Variants in ZNF831 observed in about 807,000 individuals in gnomAD.
ZNF831 encodes chromosome 20 open reading frame 174.
In ZNF831, 59 loss-of-function variants were observed where a neutral mutation model predicts 95.8. The ratio of observed to expected loss-of-function variants is 0.62; its 90% CI spans 0.50 to 0.77. The LOEUF (loss-of-function observed/expected upper bound fraction) is 0.77. ZNF831 is among the 30% of genes least tolerant of loss of function. The pLI is 0.00. For synonymous variants in ZNF831, 961 were observed against 925.5 expected, an observed-to-expected ratio of 1.04 and a Z score of -0.70; for missense variants, 2,205 against 2,164.0, an observed-to-expected ratio of 1.02 and a Z score of -0.38.
At chr20:59,187,777 C>T (rs150097364) in intron 1 of ZNF831, among the ~76,000 whole-genome samples, 104 of 152,316 alleles carry the variant, frequency 6.8e-4, no homozygotes, top group African/African-American at 2.4e-3. Flanking sequence ...CAGAAGGAAA[C>T]GTTGTACCCA....
chr20:59,148,979 G>A (rs1180700112), intron 2 of ZNF831, among the ~76,000 whole-genome samples: 1 of 152,182 alleles, frequency 6.6e-6, no homozygotes, highest in African/African-American at 2.4e-5. Flanking sequence ...GGGCACTCGA[G>A]TTCAGCCCTG....
At position 59,136,067 on chromosome 20, in the gene ZNF831, G is replaced by A. The variant is rs1223548620; in HGVS notation, c.-1424-10164G>A. Among the ~76,000 whole-genome samples, 3 of 152,174 alleles carry A rather than the reference G, an allele frequency of 2.0e-5. No homozygotes were observed. The East Asian group carries it at 5.8e-4, about 29-fold the overall frequency. On this transcript the variant is annotated intron_variant, in intron 1 of 7. Coordinates refer to the ZNF831 transcript ENST00000637017. ...GCTTGTCATCAGAATTGAATTCCAC[G>A]TGGTTGGGGGACTGAGGTCCCTGTT...
At chr20:59,205,416 C>G (rs77913578) in intron 3 of ZNF831, among the ~76,000 whole-genome samples, 4 of 152,274 alleles carry the variant, frequency 2.6e-5, no homozygotes, top group Non-Finnish European at 4.4e-5. Context: ...TCCCCTCCCC[C>G]CAGCCGGGGA....
intron 4 of ZNF831, among the ~76,000 whole-genome samples, chr20:59,211,553 G>T (rs1328662339): frequency 1.3e-5 from 2 of 152,156 alleles, no homozygotes; most frequent in Admixed American, 6.5e-5. Flanking sequence ...AAATCAAAGG[G>T]GCACAGGGGT....
intron 4 of ZNF831, among the ~76,000 whole-genome samples, chr20:59,215,180 C>T (rs770248391): frequency 8.5e-4 from 129 of 152,226 alleles, no homozygotes; most frequent in Middle Eastern, 3.4e-3. Flanking sequence ...ACACATTTTG[C>T]GGAACTGAAT....
In ZNF831 at chr20:59,191,876, C is replaced by T. The variant is rs2146555582; in HGVS notation, c.857C>T (p.Ala286Val). ...GCTCCTTGGGACTCTGCCCCCATGG[C>T]GTCACCTGGGCTCCCAGCGGCCAGC... ...REAPWDSAPM[A>V]SPGLPAASTQ... is the part of the protein sequence containing the mutation. The change falls in exon 2 of 6, where the codon GCG becomes GTG. Residue 286 changes from alanine to valine, a missense_variant. By Grantham distance (64) the Ala-to-Val change is moderately conservative (BLOSUM62 0). Transcript: ENST00000371030. The T allele has an allele frequency of 6.2e-7, 1 of 1,613,088 alleles. No homozygotes were observed. Among genetic ancestry groups the T allele is most frequent in the Non-Finnish European group, 8.5e-7 (1 of 1,179,974 alleles).
intron 1 of ZNF831, among the ~76,000 whole-genome samples, chr20:59,181,301 A>T (rs1363163321): frequency 6.6e-6 from 1 of 151,862 alleles, no homozygotes. Flanking sequence ...GCTTGCAAAA[A>T]TTTTCTCCCA....
chr20:59,171,541 A>G (rs114692291), intron 1 of ZNF831, among the ~76,000 whole-genome samples: 25 of 152,350 alleles, frequency 1.6e-4, no homozygotes, highest in African/African-American at 5.5e-4. Flanking sequence ...AAATGAGCAG[A>G]TGCAGTCATT....
chr20:59,250,579 A>G (rs1987833898), intron 4 of ZNF831, among the ~76,000 whole-genome samples: 1 of 152,196 alleles, frequency 6.6e-6, no homozygotes. Flanking sequence ...AGAAATAAAA[A>G]CAAACCAATG....
At chr20:59,252,152 G>A (rs187654006) in intron 4 of ZNF831, among the ~76,000 whole-genome samples, 52 of 152,286 alleles carry the variant, frequency 3.4e-4, no homozygotes, top group South Asian at 1.0e-3. Flanking sequence ...AAAGACTCCC[G>A]AATGGGAAAA....
At chr20:59,149,715 C>T (rs1013171413) in intron 2 of ZNF831, among the ~76,000 whole-genome samples, 2 of 152,238 alleles carry the variant, frequency 1.3e-5, no homozygotes, top group South Asian at 2.1e-4. Context: ...ATGTTTCATG[C>T]CTGAGCCTTG....
intron 1 of ZNF831, among the ~76,000 whole-genome samples, chr20:59,174,572 G>A (rs137996789): frequency 2.0e-4 from 31 of 152,114 alleles, no homozygotes; most frequent in African/African-American, 6.5e-4. Context: ...AAACTTGCTC[G>A]GGAGTGTTGG....
intron 1 of ZNF831, among the ~76,000 whole-genome samples, chr20:59,182,976 A>G (rs1982738294): frequency 6.6e-6 from 1 of 152,194 alleles, no homozygotes; most frequent in Non-Finnish European, 1.5e-5. Context: ...ACCTGCGCAC[A>G]TAAGGTAAGT....
rs1377983390 is a variant in ZNF831, at chr20:59,211,059, A to C, written c.4027+4003A>C. On this transcript the variant is annotated intron_variant, in intron 4 of 5. Transcript: ENST00000371030. ...CGTCTCAAAAAAAAAGAAAAAAAAAAAAAAAACAAATCCAAGGAGAAAAAA... is the reference window on the plus strand; with the variant it reads ...CGTCTCAAAAAAAAAGAAAAAAAAACAAAAAACAAATCCAAGGAGAAAAAA... 2.6e-5 allele frequency among the ~76,000 whole-genome samples: 4 copies of C among 151,590 alleles called. 1 individual carries two copies. Among genetic ancestry groups the C allele is most frequent in the Non-Finnish European group, 5.9e-5 (4 of 67,964 alleles).
intron 1 of ZNF831, 115 bp from the exon 2 acceptor site, chr20:59,190,867 CTT>C: frequency 1.1e-6 from 1 of 894,830 alleles, no homozygotes; most frequent in Admixed American, 3.7e-5. Flanking sequence ...GAGTACATTC[CTT>C]AGGGGATTGT....
intron 4 of ZNF831, among the ~76,000 whole-genome samples, chr20:59,221,251 C>T (rs1187601903): frequency 6.6e-6 from 1 of 152,158 alleles, no homozygotes; most frequent in Non-Finnish European, 1.5e-5. Flanking sequence ...GCAGGGAGCT[C>T]GTAGGGATTC....
At chr20:59,219,646 G>A (rs1171912623) in intron 4 of ZNF831, among the ~76,000 whole-genome samples, 4 of 152,148 alleles carry the variant, frequency 2.6e-5, no homozygotes, top group Non-Finnish European at 5.9e-5. Context: ...AATGTCAGCA[G>A]GGCATGTGGG....
intron 1 of ZNF831, among the ~76,000 whole-genome samples, chr20:59,146,017 C>T (rs1024761794): frequency 6.6e-6 from 1 of 152,048 alleles, no homozygotes; most frequent in Admixed American, 6.5e-5. Flanking sequence ...GTTTGAAACC[C>T]AGCCGTGTAG....
intron 4 of ZNF831, among the ~76,000 whole-genome samples, chr20:59,229,890 A>C (rs1210279234): frequency 1.3e-5 from 2 of 152,072 alleles, no homozygotes; most frequent in Non-Finnish European, 2.9e-5. Context: ...TGTACAGCTC[A>C]TTGTCTAGAA....
Sources: allele counts gnomAD v4.1 joint callset (sites outside exome capture counted in the v4.1 genomes callset), GRCh38; gene constraint gnomAD v4.1.1; transcripts MANE v1.5; gene names NCBI Gene and HGNC (gene_info 2026-07-23, HGNC 2026-07-21).